Variants in HDAC7 observed in about 807,000 individuals in gnomAD.
HDAC7 encodes histone deacetylase 7A.
A neutral mutation model predicts 115.5 loss-of-function variants in HDAC7; 26 were observed. The ratio of observed to expected loss-of-function variants is 0.23; its 90% CI spans 0.16 to 0.31. HDAC7 has a LOEUF of 0.31. Among genes scored for constraint, HDAC7 ranks in the 10% least tolerant of loss-of-function variants. The pLI, the probability that HDAC7 is intolerant of heterozygous loss-of-function variation, is 1.00. For missense variants in HDAC7, 1,068 were observed against 1,329.0 expected (o/e 0.80, Z 3.05); for synonymous variants, 564 against 550.9 (o/e 1.02, Z -0.33).
chr12:47,806,961 A>G (rs12828203), intron 1 of HDAC7, among the ~76,000 whole-genome samples: 12,013 of 145,948 alleles, frequency 0.082, 613 homozygotes, highest in African/African-American at 0.15. Flanking sequence ...TTTTTTTGAG[A>G]TGGAGTCTCG....
rs769851164 is a variant in HDAC7, at chr12:47,802,268, G to T, written c.26C>A (p.Thr9Asn). Reference protein sequence around the residue: MHSPGADGTQVSPGAHYCS... With the variant: MHSPGADGNQVSPGAHYCS... ...GTAGTGGGCACCCGGGCTCACCTGGGTCCCATCTGTAGAGAGAGAGACGGA... is the reference window on the plus strand; with the variant it reads ...GTAGTGGGCACCCGGGCTCACCTGGTTCCCATCTGTAGAGAGAGAGACGGA... The change falls in exon 2 of 26, where the codon ACC becomes AAC. Residue 9 changes from threonine (T) to asparagine (N), a missense_variant. This residue lies in a region of HDAC7 where 161 missense variants were observed against 158.5 expected (regional missense o/e 1.02). Transcript: ENST00000080059. 6.2e-7 allele frequency: 1 copy of T among 1,613,986 alleles called. No individual in the cohort carries two copies. The highest frequency in any genetic ancestry group is 1.7e-5 in the Admixed American group (1 of 60,016).
At chr12:47,799,264 CCCTGGG>C (rs1944047199) in intron 2 of HDAC7, 2 of 365,518 alleles carry the variant, frequency 5.5e-6, no homozygotes, top group South Asian at 1.6e-4. Flanking sequence ...ACATGCTCCT[CCCTGGG>C]CCGGGGGCTG....
At chr12:47,802,840 C>T (rs533677722) in intron 1 of HDAC7, among the ~76,000 whole-genome samples, 1 of 152,210 alleles carries the variant, frequency 6.6e-6, no homozygotes, top group South Asian at 2.1e-4. Context: ...TGGGTCATGG[C>T]CCGGAGGTCA....
intron 1 of HDAC7, among the ~76,000 whole-genome samples, chr12:47,818,648 C>G (rs1944916838): frequency 6.6e-6 from 1 of 152,190 alleles, no homozygotes; most frequent in Admixed American, 6.5e-5. Flanking sequence ...TCTTGAGCTC[C>G]CAGCAGGGCC....
chr12:47,786,547 TC>T (rs1943181191), intron 22 of HDAC7, 37 bp downstream of exon 22: 1 of 1,467,384 alleles, frequency 6.8e-7, no homozygotes. Context: ...CGCCTGGCTC[TC>T]TGTCCCTAAC....
At chr12:47,796,667 A>G (rs994794944) in intron 7 of HDAC7, among the ~76,000 whole-genome samples, 2 of 151,918 alleles carry the variant, frequency 1.3e-5, no homozygotes, top group Non-Finnish European at 2.9e-5. Flanking sequence ...CAGGTGATTG[A>G]CCTGCCTCAG....
intron 1 of HDAC7, among the ~76,000 whole-genome samples, chr12:47,813,858 G>T (rs1212118520): frequency 6.6e-6 from 1 of 152,176 alleles, no homozygotes. Flanking sequence ...ATAATCTAAG[G>T]CAAGGGCCAG....
intron 1 of HDAC7, among the ~76,000 whole-genome samples, chr12:47,806,161 C>T (rs1317797225): frequency 6.6e-6 from 1 of 152,246 alleles, no homozygotes; most frequent in Non-Finnish European, 1.5e-5. Flanking sequence ...CAGATTTATC[C>T]AGAACCCAGC....
intron 13 of HDAC7, chr12:47,792,387 C>T (rs1276198341): frequency 5.6e-6 from 2 of 355,256 alleles, no homozygotes; most frequent in East Asian, 1.3e-4. Flanking sequence ...ATCTCACACA[C>T]GTGTCATGAA....
rs917596667 is a variant in HDAC7, at chr12:47,798,492, C to T, written c.349+70G>A. 1.3e-5 allele frequency: 18 copies of T among 1,439,604 alleles called. No individual in the cohort carries two copies. The Admixed American group carries it at 2.7e-4, about 22-fold the overall frequency. The allele number at this position is 1,439,604 out of a possible 1,614,324, so 89.2% of individuals were successfully genotyped here. A position where few individuals can be genotyped will look rare whatever the true frequency, so the allele number is the denominator to read the frequency against. ...TGCGGCCCTCCCACCTCACCCCTCA[C>T]AAGCCACACAGGCAGCCGCAGGCAC... On this transcript the variant is annotated intron_variant, in intron 4 of 25. Transcript: ENST00000080059. This position sits in a 1 kb window ranked among gnomAD's most constrained non-coding sequence, Gnocchi z 4.3.
At chr12:47,819,267 G>C (rs1297366934) in intron 1 of HDAC7, 3 of 152,516 alleles carry the variant, frequency 2.0e-5, no homozygotes, top group African/African-American at 7.2e-5. Context: ...CGGGATGGGG[G>C]CGCTGATGTC....
At chr12:47,799,868 CTT>C (rs1294566547) in intron 2 of HDAC7, among the ~76,000 whole-genome samples, 2 of 152,218 alleles carry the variant, frequency 1.3e-5, no homozygotes, top group South Asian at 4.1e-4. Flanking sequence ...TTGCAGCGGG[CTT>C]ATCCTGGAGA....
At chr12:47,791,440 G>A in intron 15 of HDAC7, 132 bp from the exon 16 acceptor site, 1 of 1,369,820 alleles carries the variant, frequency 7.3e-7, no homozygotes, top group Non-Finnish European at 9.9e-7. Flanking sequence ...GGTGGAGGTG[G>A]GCTGAGGAGG....
chr12:47,798,065 A>T lies in HDAC7; in HGVS notation c.461+43T>A. 4 of 1,359,672 alleles carry T rather than the reference A, an allele frequency of 2.9e-6. No individual in the cohort carries two copies. The highest frequency in any genetic ancestry group is 4.2e-6 in the Non-Finnish European group (4 of 960,130). The allele number at this position is 1,359,672 out of a possible 1,614,324, so 84.2% of individuals were successfully genotyped here. On this transcript the variant is annotated intron_variant, in intron 5 of 25. Transcript: ENST00000080059. The surrounding 1 kb of genome is among the most constrained non-coding windows in gnomAD (Gnocchi z 4.3). ...ATGGCTAACACGGGGGCGGGGGTGGAGGGTGCATGTGGGGACAGGAGGGCA... is the reference window on the plus strand; with the variant it reads ...ATGGCTAACACGGGGGCGGGGGTGGTGGGTGCATGTGGGGACAGGAGGGCA...
intron 7 of HDAC7, 89 bp downstream of exon 7, chr12:47,796,928 G>A (rs1346148804): frequency 2.1e-6 from 3 of 1,425,516 alleles, no homozygotes; most frequent in Non-Finnish European, 9.3e-7. Context: ...TCCTAAGGAG[G>A]GGACCCCTGT....
rs766576782 is a variant in HDAC7 at position 47,791,669 on chromosome 12, T to C, written c.1850A>G (p.Gln617Arg). The C allele has an allele frequency of 2.5e-6, 4 of 1,613,618 alleles. No individual in the cohort carries two copies. The highest frequency in any genetic ancestry group is 1.3e-5 in the African/African-American group (1 of 74,918). Reference protein sequence around the residue: ...RGRKASLEELQSVHSERHVLL... With the variant: ...RGRKASLEELRSVHSERHVLL... ...CACGTGCCGCTCAGAGTGGACCGAC[T>C]GCAGCTCTTCCAGGGAGGCCTTCCG... The change falls in exon 15 of 26, where the codon CAG becomes CGG. Residue 617 changes from glutamine (Q) to arginine (R), a missense_variant. Physicochemically the swap from Gln to Arg is conservative, Grantham distance 43. Transcript: ENST00000080059.
At chr12:47,790,943 T>TG (rs1644452466) in intron 16 of HDAC7, 1 of 469,230 alleles carries the variant, frequency 2.1e-6, no homozygotes, top group Non-Finnish European at 3.8e-6. Context: ...TGCCCAGTCA[T>TG]GGGGGTCTTT....
chr12:47,789,544 T>A lies in HDAC7; in HGVS notation c.2126A>T (p.His709Leu). The A allele has an allele frequency of 6.2e-7, 1 of 1,614,210 alleles. No individual in the cohort carries two copies. The highest frequency in any genetic ancestry group is 8.5e-7 in the Non-Finnish European group (1 of 1,180,026). ...TTACATGGCTGTTGAATGATCTGCA[T>A]GGTGTCCTGGGGGCCGCACCACAGC... The part of the protein sequence containing the change: ...GFAVVRPPGH[H>L]ADHSTAMGFC... Residue 709 changes from histidine (H) to leucine (L), a missense_variant, in exon 18 of 26, where the codon CAT becomes CTT. Transcript: ENST00000080059.
intron 1 of HDAC7, among the ~76,000 whole-genome samples, chr12:47,808,851 T>C (rs1247782517): frequency 6.6e-6 from 1 of 152,166 alleles, no homozygotes; most frequent in Non-Finnish European, 1.5e-5. Context: ...GATTTCTCAG[T>C]TCCAAAAAGC....
Sources: gnomAD v4.1 joint callset for allele counts (sites outside exome capture counted in the v4.1 genomes callset) on GRCh38, gnomAD v4.1.1 for gene constraint, gnomAD v4.1.1 regional missense constraint, Gnocchi (gnomAD v3.1) non-coding constraint, MANE v1.5 for transcripts, NCBI Gene and HGNC (gene_info 2026-07-23, HGNC 2026-07-21) for gene names.